Variants in THSD7B observed in about 807,000 individuals in gnomAD.
THSD7B encodes thrombospondin type-1 domain-containing protein 7B.
Under a neutral mutation model 213.6 loss-of-function variants are expected in THSD7B, and 138 were observed. The observed-to-expected ratio is 0.65, with a 90% confidence interval of 0.56 to 0.74. The LOEUF is 0.74. Among genes scored for constraint, THSD7B ranks in the 30% least tolerant of loss-of-function variants. THSD7B has a pLI of 0.00. For synonymous variants in THSD7B, 742 were observed against 687.0 expected (o/e 1.08, Z -1.25); for missense variants, 1,931 against 1,991.5 (o/e 0.97, Z 0.58).
At chr2:137,523,738 C>G (rs185902522) in intron 15 of THSD7B, among the ~76,000 whole-genome samples, 1 of 152,284 alleles carries the variant, frequency 6.6e-6, no homozygotes, top group East Asian at 1.9e-4. Context: ...CTCCACTGTG[C>G]TGTTTCATGA....
intron 14 of THSD7B, among the ~76,000 whole-genome samples, chr2:137,430,765 A>G (rs1186870093): frequency 2.0e-5 from 3 of 152,228 alleles, no homozygotes; most frequent in African/African-American, 7.2e-5. Flanking sequence ...GAAACCAGCC[A>G]GGAGAGAGTG....
At chr2:137,596,053 A>G (rs552022589) in intron 17 of THSD7B, among the ~76,000 whole-genome samples, 1 of 152,000 alleles carries the variant, frequency 6.6e-6, no homozygotes, top group Non-Finnish European at 1.5e-5. Flanking sequence ...TTCAGCCTTT[A>G]TATCTTATTG....
intron 1 of THSD7B, among the ~76,000 whole-genome samples, chr2:136,860,184 T>C (rs1229995130): frequency 1.3e-5 from 2 of 151,786 alleles, no homozygotes; most frequent in African/African-American, 4.8e-5. Context: ...TTGAGGATGG[T>C]ATCTTAGGAG....
intron 1 of THSD7B, among the ~76,000 whole-genome samples, chr2:136,772,304 G>A (rs1020167868): frequency 3.3e-5 from 5 of 152,110 alleles, no homozygotes; most frequent in African/African-American, 1.2e-4. Context: ...TGACTGACAG[G>A]AAGAATATTG....
rs562432296 is a variant in THSD7B, at chr2:136,780,097, T to C, written c.-36+14410T>C. 2.2e-4 allele frequency among the ~76,000 whole-genome samples: 33 copies of C among 152,300 alleles called. 1 individual carries two copies. The highest frequency in any genetic ancestry group is 2.2e-3 in the Admixed American group (33 of 15,286). ...CTGTCTGTCTTAGGCTGTTTTGTGC[T>C]GCTATAACAATAATTTATAATTTAT... On this transcript the variant is annotated intron_variant, in intron 1 of 27. Transcript: ENST00000409968.
At chr2:137,611,633 G>T (rs950544032) in intron 17 of THSD7B, among the ~76,000 whole-genome samples, 1 of 152,000 alleles carries the variant, frequency 6.6e-6, no homozygotes, top group Non-Finnish European at 1.5e-5. Flanking sequence ...ATATGTAATG[G>T]CTTGAAGTTT....
chr2:136,994,333 G>A (rs1404148595), intron 2 of THSD7B, among the ~76,000 whole-genome samples: 1 of 152,206 alleles, frequency 6.6e-6, no homozygotes, highest in Non-Finnish European at 1.5e-5. Flanking sequence ...TTGGGAGGCT[G>A]AGGTGGGCAG....
At chr2:137,034,519 A>G (rs886884205) in intron 2 of THSD7B, among the ~76,000 whole-genome samples, 2 of 152,158 alleles carry the variant, frequency 1.3e-5, no homozygotes, top group Non-Finnish European at 2.9e-5. Context: ...TGCACTTATT[A>G]ACCCGTCATC....
chr2:136,830,251 G>A (rs1404447757), intron 1 of THSD7B, among the ~76,000 whole-genome samples: 2 of 152,116 alleles, frequency 1.3e-5, no homozygotes, highest in East Asian at 3.9e-4. Flanking sequence ...GGGTGCAGAT[G>A]TTTGGCATTT....
intron 12 of THSD7B, among the ~76,000 whole-genome samples, chr2:137,372,842 T>C (rs1019608007): frequency 1.5e-5 from 2 of 131,000 alleles, no homozygotes; most frequent in African/African-American, 2.8e-5. Context: ...AGCTATCCCT[T>C]CCCCCTCCCC....
At chr2:136,976,532 G>A (rs1225854658) in intron 2 of THSD7B, among the ~76,000 whole-genome samples, 1 of 152,110 alleles carries the variant, frequency 6.6e-6, no homozygotes, top group East Asian at 1.9e-4. Context: ...ACTTGACTGT[G>A]GTGGATAAGC....
At chr2:136,857,798 G>A (rs1381070281) in intron 1 of THSD7B, among the ~76,000 whole-genome samples, 1 of 152,122 alleles carries the variant, frequency 6.6e-6, no homozygotes, top group East Asian at 1.9e-4. Flanking sequence ...ATAATTTGAG[G>A]AACAAAGAGT....
chr2:137,136,118 C>T (rs955987675), intron 5 of THSD7B, among the ~76,000 whole-genome samples: 43 of 152,008 alleles, frequency 2.8e-4, no homozygotes, highest in African/African-American at 1.0e-3. Flanking sequence ...CACATGGACA[C>T]AGGGGAACAT....
intron 4 of THSD7B, among the ~76,000 whole-genome samples, chr2:137,102,318 A>G (rs560808375): frequency 2.6e-5 from 4 of 152,322 alleles, no homozygotes; most frequent in African/African-American, 9.6e-5. Flanking sequence ...AGAAAAACTA[A>G]CAAACAAAAA....
chr2:137,187,650 AC>A (rs1199375286), intron 7 of THSD7B, among the ~76,000 whole-genome samples: 1 of 152,120 alleles, frequency 6.6e-6, no homozygotes, highest in Admixed American at 6.6e-5. Context: ...AACTACCACT[AC>A]CCCAGAAAGC....
chr2:137,657,378 G>C (rs1360787013), intron 24 of THSD7B, among the ~76,000 whole-genome samples: 2 of 152,148 alleles, frequency 1.3e-5, no homozygotes, highest in Admixed American at 6.5e-5. Context: ...GAAATAAGCT[G>C]AAATGCAATA....
At chr2:137,598,004 C>G (rs535244609) in intron 17 of THSD7B, among the ~76,000 whole-genome samples, 1 of 152,208 alleles carries the variant, frequency 6.6e-6, no homozygotes, top group South Asian at 2.1e-4. Context: ...GAGCTTGAGT[C>G]TCTCTTCCTA....
chr2:136,832,179 G>GTA (rs1682767815), intron 1 of THSD7B, among the ~76,000 whole-genome samples: 1 of 60,276 alleles, frequency 1.7e-5, no homozygotes, highest in Non-Finnish European at 4.2e-5. Context: ...ATCCTATTGT[G>GTA]TGTGTGTGTG....
At chr2:137,012,563 CA>C (rs959184754) in intron 2 of THSD7B, among the ~76,000 whole-genome samples, 17 of 151,902 alleles carry the variant, frequency 1.1e-4, no homozygotes, top group Non-Finnish European at 1.0e-4. Flanking sequence ...TTTTTTTGTC[CA>C]AATGCAGCTT....
Sources: gnomAD v4.1 joint callset for allele counts (sites outside exome capture counted in the v4.1 genomes callset) on GRCh38, gnomAD v4.1.1 for gene constraint, MANE v1.5 for transcripts, NCBI Gene and HGNC (gene_info 2026-07-23, HGNC 2026-07-21) for gene names.